The following SLC1A2 variants were observed in gnomAD, a reference collection of about 807,000 sequenced individuals.
SLC1A2 encodes excitatory amino acid transporter 2.
SLC1A2 carries 15 observed loss-of-function variants against 48.8 expected under a neutral mutation model. The observed-to-expected ratio is 0.31, with a 90% CI of 0.21 to 0.47. The LOEUF is 0.47. Ranked by LOEUF, SLC1A2 falls within the 20% of genes least tolerant of loss-of-function variation. SLC1A2 has a pLI of 0.99. For missense variants in SLC1A2, 502 were observed against 730.5 expected, an observed-to-expected ratio of 0.69 and a Z score of 3.61; for synonymous variants, 279 against 272.6, an observed-to-expected ratio of 1.02 and a Z score of -0.23.
intron 1 of SLC1A2, among the ~76,000 whole-genome samples, chr11:35,329,723 A>G (rs1283358448): frequency 6.6e-6 from 1 of 152,172 alleles, no homozygotes; most frequent in Non-Finnish European, 1.5e-5. Context: ...GTTGCAGTGC[A>G]GGGCAGCTTA....
chr11:35,261,233 T>G (rs925530745), intron 10 of SLC1A2, among the ~76,000 whole-genome samples: 6 of 152,186 alleles, frequency 3.9e-5, no homozygotes, highest in African/African-American at 1.4e-4. Flanking sequence ...TTTTTAGTGT[T>G]GTGGGGTGTC....
At chr11:35,418,668 T>G in intron 1 of SLC1A2, 1 of 490,464 alleles carries the variant, frequency 2.0e-6, no homozygotes, top group East Asian at 3.8e-5. Context: ...AAAAGTAACC[T>G]CAAGAGGATT....
chr11:35,409,627 G>T (rs1855398990), intron 1 of SLC1A2, among the ~76,000 whole-genome samples: 1 of 152,186 alleles, frequency 6.6e-6, no homozygotes, highest in African/African-American at 2.4e-5. Flanking sequence ...TGAGGAAGAT[G>T]GCTAGGCATG....
At chr11:35,415,268 A>G (rs1262618444) in intron 1 of SLC1A2, among the ~76,000 whole-genome samples, 2 of 152,180 alleles carry the variant, frequency 1.3e-5, no homozygotes, top group Admixed American at 1.3e-4. Context: ...TGATGAACAG[A>G]TTTGTCTTTT....
At position 35,256,037 on chromosome 11, in the gene SLC1A2, A is replaced by T. The variant is rs1377066701; in HGVS notation, c.*4857T>A. On this transcript the variant is annotated 3_prime_UTR_variant, in exon 11 of 11. Transcript: ENST00000278379. ...AAGGAAACAAAGCAGAGATCATAAT[A>T]CATTGGGCTCATAGGGCTGGAAGGG... 6.6e-6 allele frequency: 1 copy of T among 152,240 alleles called. No individual in the cohort carries two copies. The highest frequency in any genetic ancestry group is 2.4e-5 in the African/African-American group (1 of 41,460). The allele number at this position is 152,240 out of a possible 1,614,324, so 9.4% of individuals were successfully genotyped here.
At chr11:35,301,460 T>C in intron 6 of SLC1A2, 59 bp downstream of exon 6, 1 of 1,578,882 alleles carries the variant, frequency 6.3e-7, no homozygotes. Context: ...TCCAGTATCC[T>C]CTGGGGACCC....
At chr11:35,367,024 T>G (rs991602270) in intron 1 of SLC1A2, among the ~76,000 whole-genome samples, 2 of 152,248 alleles carry the variant, frequency 1.3e-5, no homozygotes, top group Non-Finnish European at 2.9e-5. Context: ...AGGACCTTCC[T>G]AACTGACTCT....
At chr11:35,303,724 AG>A (rs1851421669) in intron 5 of SLC1A2, among the ~76,000 whole-genome samples, 1 of 152,228 alleles carries the variant, frequency 6.6e-6, no homozygotes, top group South Asian at 2.1e-4. Flanking sequence ...AGGTTTTTAA[AG>A]GAACAGTTGG....
chr11:35,384,554 C>T (rs1402656410), intron 1 of SLC1A2, among the ~76,000 whole-genome samples: 2 of 152,206 alleles, frequency 1.3e-5, no homozygotes, highest in African/African-American at 4.8e-5. Context: ...TAATGAATCT[C>T]AAACAGTTGC....
intron 1 of SLC1A2, among the ~76,000 whole-genome samples, chr11:35,394,493 G>A (rs1397384065): frequency 1.3e-5 from 2 of 152,072 alleles, no homozygotes; most frequent in African/African-American, 4.8e-5. Context: ...CCCTAACTTT[G>A]GTCAAAAGAG....
At chr11:35,324,118 A>G (rs1219265925) in intron 1 of SLC1A2, among the ~76,000 whole-genome samples, 1 of 152,202 alleles carries the variant, frequency 6.6e-6, no homozygotes, top group Non-Finnish European at 1.5e-5. Flanking sequence ...TTTTTTCCAT[A>G]TTGCTTCCTA....
intron 1 of SLC1A2, among the ~76,000 whole-genome samples, chr11:35,414,755 T>G (rs1404335292): frequency 6.6e-6 from 1 of 152,230 alleles, no homozygotes; most frequent in Non-Finnish European, 1.5e-5. Flanking sequence ...AAACTAAAAT[T>G]TTATCTTCAG....
chr11:35,277,707 G>A (rs1180069063), intron 9 of SLC1A2, among the ~76,000 whole-genome samples: 7 of 152,210 alleles, frequency 4.6e-5, no homozygotes, highest in Non-Finnish European at 1.0e-4. Flanking sequence ...AGAGTCAAGG[G>A]TTTAAGTAAG....
At chr11:35,303,214 G>A (rs1184232855) in intron 5 of SLC1A2, among the ~76,000 whole-genome samples, 1 of 151,854 alleles carries the variant, frequency 6.6e-6, no homozygotes, top group Non-Finnish European at 1.5e-5. Context: ...TCTTTCCCTA[G>A]TCATCTAACC....
intron 2 of SLC1A2, chr11:35,316,142 G>A (rs1177044718): frequency 6.6e-6 from 1 of 152,210 alleles, no homozygotes; most frequent in African/African-American, 2.4e-5. Flanking sequence ...AATTTTGGAG[G>A]AAACAATTTA....
intron 7 of SLC1A2, among the ~76,000 whole-genome samples, chr11:35,289,628 A>C (rs1850931690): frequency 6.6e-6 from 1 of 152,222 alleles, no homozygotes; most frequent in Admixed American, 6.5e-5. Flanking sequence ...AAAAGAAAAT[A>C]ATACTAATAT....
At chr11:35,402,988 C>T (rs1034649836) in intron 1 of SLC1A2, among the ~76,000 whole-genome samples, 1 of 152,238 alleles carries the variant, frequency 6.6e-6, no homozygotes, top group South Asian at 2.1e-4. Context: ...TTTGGGTATG[C>T]ACCAAGTGTT....
chr11:35,277,763 G>A lies in SLC1A2; in HGVS notation c.1421+3104C>T, dbSNP rs111667458. On this transcript the variant is annotated intron_variant, in intron 9 of 10. Transcript: ENST00000278379. ...CAGCAGAACTTAAATGGCTTCCTTC[G>A]TCTTTCTTTTCATGTGGATGGACCC... Among the ~76,000 whole-genome samples the A allele has an allele frequency of 7.3e-3, 1,012 of 137,740 alleles. 10 individuals carry two copies. Among genetic ancestry groups the A allele is most frequent in the African/African-American group, 0.024 (955 of 39,200 alleles). The allele number at this position is 137,740 out of a possible 152,430, so 90.4% of individuals were successfully genotyped here.
At chr11:35,261,094 C>G in intron 10 of SLC1A2, 129 bp from the exon 11 acceptor site, 1 of 713,126 alleles carries the variant, frequency 1.4e-6, no homozygotes. Context: ...AAATGGAGTT[C>G]TTTCCAAATT....
Sources: allele counts gnomAD v4.1 joint callset (sites outside exome capture counted in the v4.1 genomes callset), GRCh38; gene constraint gnomAD v4.1.1; transcripts MANE v1.5; gene names NCBI Gene and HGNC (gene_info 2026-07-23, HGNC 2026-07-21).